The following MYOM2 variants were observed in gnomAD, a reference collection of about 807,000 sequenced individuals.
The protein encoded by MYOM2 is myomesin-2.
Under a neutral mutation model 187.6 loss-of-function variants are expected in MYOM2, and 254 were observed. The ratio of observed to expected loss-of-function variants is 1.35; its 90% confidence interval spans 1.22 to 1.50. The LOEUF is 1.50. Among genes scored for constraint, MYOM2 ranks in the 40% most tolerant of loss-of-function variants. The pLI is 0.00. For synonymous variants in MYOM2, 981 were observed against 753.8 expected (o/e 1.30, Z -4.94); for missense variants, 2,796 against 1,924.0 (o/e 1.45, Z -8.48).
chr8:2,121,652 A>C (rs948400701), intron 28 of MYOM2, among the ~76,000 whole-genome samples: 1 of 152,224 alleles, frequency 6.6e-6, no homozygotes, highest in Non-Finnish European at 1.5e-5. Context: ...ACGTGAAAAA[A>C]TAGATGGAGA....
intron 9 of MYOM2, among the ~76,000 whole-genome samples, chr8:2,072,936 T>C (rs1021697137): frequency 1.3e-5 from 2 of 152,248 alleles, no homozygotes; most frequent in South Asian, 4.1e-4. Context: ...GGAGGGTCTA[T>C]GCTGGGTTCT....
intron 8 of MYOM2, among the ~76,000 whole-genome samples, chr8:2,071,822 G>C (rs371677557): frequency 6.6e-6 from 1 of 152,198 alleles, no homozygotes; most frequent in East Asian, 1.9e-4. Flanking sequence ...CTCCCGGGTT[G>C]CTGACGGCAC....
chr8:2,059,272 G>C (rs376667162), intron 6 of MYOM2, 27 bp downstream of exon 6: 23 of 1,601,576 alleles, frequency 1.4e-5, no homozygotes, highest in Non-Finnish European at 2.0e-5. Flanking sequence ...GGCTCTGGAC[G>C]CTGGCGTCCA....
intron 23 of MYOM2, among the ~76,000 whole-genome samples, chr8:2,107,993 A>C (rs1390405875): frequency 6.6e-6 from 1 of 152,238 alleles, no homozygotes; most frequent in Non-Finnish European, 1.5e-5. Context: ...ATGTATGGAA[A>C]TTCCTACCAG....
At chr8:2,138,618 C>A (rs2116913274) in intron 32 of MYOM2, among the ~76,000 whole-genome samples, 1 of 152,378 alleles carries the variant, frequency 6.6e-6, no homozygotes, top group South Asian at 2.1e-4. Flanking sequence ...AAAGTGCTCA[C>A]ACTGCCCTGC....
chr8:2,126,737 C>T, intron 31 of MYOM2, among the ~76,000 whole-genome samples: 1 of 84,196 alleles, frequency 1.2e-5, no homozygotes, highest in Non-Finnish European at 2.2e-5. Context: ...CTGATAGAGG[C>T]TGGAGGACCA....
chr8:2,083,376 T>C (rs1406314348), intron 13 of MYOM2, among the ~76,000 whole-genome samples: 1 of 152,222 alleles, frequency 6.6e-6, no homozygotes, highest in African/African-American at 2.4e-5. Context: ...ATCTAGCATG[T>C]GCTTAGCGGC....
rs539422796 is a variant in MYOM2 at position 2,140,628 on chromosome 8, A to G, written c.3801-95A>G. ...TGTGACATTGGCATCAGCAGCTTAG[A>G]GAAGGCTGTCACAGCAACGGGACAT... On this transcript the variant is annotated intron_variant, in intron 32 of 36. Coordinates refer to ENST00000262113, the MANE Select transcript of MYOM2 (RefSeq NM_003970.4). The G allele has an allele frequency of 8.6e-6, 11 of 1,281,598 alleles. No homozygotes were observed. The African/African-American group carries it at 1.5e-4, about 17-fold the overall frequency. The allele number at this position is 1,281,598 out of a possible 1,614,324, so 79.4% of individuals were successfully genotyped here. A position where few individuals can be genotyped will look rare whatever the true frequency, so the allele number is the denominator to read the frequency against.
intron 36 of MYOM2, 73 bp from the exon 37 acceptor site, chr8:2,144,591 C>A: frequency 6.9e-7 from 1 of 1,456,970 alleles, no homozygotes; most frequent in Non-Finnish European, 9.5e-7. Context: ...GACCTGGAGC[C>A]CACCGTCCGA....
At chr8:2,111,715 C>G (rs979475907) in intron 25 of MYOM2, among the ~76,000 whole-genome samples, 1 of 152,160 alleles carries the variant, frequency 6.6e-6, no homozygotes, top group Non-Finnish European at 1.5e-5. Flanking sequence ...GGGACGGGGA[C>G]AAAGTTGTTG....
chr8:2,087,306 C>T (rs953657735), intron 14 of MYOM2, among the ~76,000 whole-genome samples: 3 of 152,122 alleles, frequency 2.0e-5, no homozygotes, highest in Non-Finnish European at 4.4e-5. Context: ...GCATCTAGCA[C>T]CACTCAATGC....
chr8:2,057,292 G>T (rs1818697755), intron 3 of MYOM2, 56 bp from the exon 4 acceptor site: 2 of 1,557,102 alleles, frequency 1.3e-6, no homozygotes, highest in Non-Finnish European at 8.7e-7. Context: ...GCCTTCGGGG[G>T]CCACGTGGTT....
chr8:2,114,108 A>G (rs527755342), intron 25 of MYOM2, among the ~76,000 whole-genome samples: 2 of 152,208 alleles, frequency 1.3e-5, no homozygotes, highest in African/African-American at 4.8e-5. Flanking sequence ...AGCCAGTCAC[A>G]AGGGCTGCAT....
In MYOM2 at chr8:2,092,417, C is replaced by T. The variant is rs781578541; in HGVS notation, c.1900C>T (p.Arg634Ter). Residue 634 changes from arginine (R) to a stop codon, truncating the protein, a stop_gained, in exon 16 of 37, where the codon CGA (arginine) becomes TGA (stop). Coordinates refer to ENST00000262113, the MANE Select transcript of MYOM2 (RefSeq NM_003970.4). LOFTEE classifies it high-confidence loss of function. ...GACGTCGGTGGTGGTGCAGTGGGAC[C>T]GACCTAAGCATGAGGAGGACCTGCT... ...TKTSVVVQWD[R>*]PKHEEDLLGY... The T allele has an allele frequency of 2.3e-5, 37 of 1,613,936 alleles. No individual in the cohort carries two copies. Among genetic ancestry groups the T allele is most frequent in the East Asian group, 1.1e-4 (5 of 44,882 alleles).
At chr8:2,080,972 T>A (rs1819603504) in intron 13 of MYOM2, among the ~76,000 whole-genome samples, 1 of 131,130 alleles carries the variant, frequency 7.6e-6, no homozygotes, top group African/African-American at 2.9e-5. Context: ...GGTTCTGGCC[T>A]GCGGGAGGAA....
chr8:2,106,458 G>A, intron 22 of MYOM2, 33 bp from the exon 23 acceptor site: 5 of 1,610,238 alleles, frequency 3.1e-6, no homozygotes, highest in Non-Finnish European at 4.2e-6. Context: ...AAACAGAAAT[G>A]ATCGACATTC....
At chr8:2,139,440 C>T (rs1798199827) in intron 32 of MYOM2, among the ~76,000 whole-genome samples, 1 of 152,190 alleles carries the variant, frequency 6.6e-6, no homozygotes. Flanking sequence ...CACACCCGGC[C>T]TGAGCTGTGC....
chr8:2,137,352 A>T (rs1409842008), intron 32 of MYOM2, among the ~76,000 whole-genome samples: 1 of 151,956 alleles, frequency 6.6e-6, no homozygotes, highest in African/African-American at 2.4e-5. Context: ...AGGATGCAAG[A>T]CACCAGGCAT....
Position 2,086,385 on chromosome 8 carries a change from C to CCCCA in MYOM2, c.1644+996_1644+997insCCAC, listed in dbSNP as rs1796053365. Among the ~76,000 whole-genome samples the CCCCA allele has an allele frequency of 5.1e-5, 6 of 116,586 alleles. 2 individuals carry two copies. The highest frequency in any genetic ancestry group is 4.9e-4 in the East Asian group (2 of 4,096). The allele number at this position is 116,586 out of a possible 152,430, so 76.5% of individuals were successfully genotyped here. Reference sequence around the variant, plus strand: ...TCCCACTGTTGTGATCTCTGCGTGGCCTCCCACTGTTGTGATCTCTGCGTG... The same window carrying CCCCA: ...TCCCACTGTTGTGATCTCTGCGTGGCCCCACTCCCACTGTTGTGATCTCTGCGTG... On this transcript the variant is annotated intron_variant, in intron 14 of 36. Transcript: ENST00000262113.
Sources: gnomAD v4.1 joint callset for allele counts (sites outside exome capture counted in the v4.1 genomes callset) on GRCh38, gnomAD v4.1.1 for gene constraint, MANE v1.5 for transcripts, NCBI Gene and HGNC (gene_info 2026-07-23, HGNC 2026-07-21) for gene names.